The following CLIC6 variants were observed in gnomAD, a reference collection of about 807,000 sequenced individuals.
CLIC6 encodes the protein CLIC family member 6.
Under a neutral mutation model 49.2 loss-of-function variants are expected in CLIC6, and 39 were observed. That is an observed-to-expected ratio of 0.79 (90% CI 0.61 to 1.04). CLIC6 has a LOEUF of 1.04. Ranked by LOEUF, CLIC6 falls within the 50% of genes least tolerant of loss-of-function variation. The pLI is 0.00. For synonymous variants in CLIC6, 446 were observed against 433.4 expected (o/e 1.03, Z -0.36); for missense variants, 988 against 993.1 (o/e 0.99, Z 0.07).
At chr21:34,677,760 G>T (rs1235552599) in intron 1 of CLIC6, among the ~76,000 whole-genome samples, 1 of 152,200 alleles carries the variant, frequency 6.6e-6, no homozygotes, top group East Asian at 1.9e-4. Flanking sequence ...GCTAGAACTG[G>T]ATTCTGTGCC....
intron 1 of CLIC6, among the ~76,000 whole-genome samples, chr21:34,685,023 G>T (rs1032124597): frequency 6.6e-6 from 1 of 152,168 alleles, no homozygotes; most frequent in African/African-American, 2.4e-5. Flanking sequence ...CAGCTAGGGA[G>T]ACTCTCCACT....
At chr21:34,695,655 T>C (rs946084393) in intron 1 of CLIC6, among the ~76,000 whole-genome samples, 2 of 152,248 alleles carry the variant, frequency 1.3e-5, no homozygotes, top group African/African-American at 4.8e-5. Context: ...AACCAGTGTC[T>C]TCTCAGACTC....
At chr21:34,699,688 G>A (rs769240611) in intron 1 of CLIC6, among the ~76,000 whole-genome samples, 49 of 152,230 alleles carry the variant, frequency 3.2e-4, no homozygotes, top group African/African-American at 1.0e-3. Flanking sequence ...AAGCAGCATC[G>A]TTCGTAATAC....
rs1328730843 is a variant in CLIC6, at chr21:34,670,310, G to C, written c.922G>C (p.Ala308Pro). 3.5e-6 allele frequency: 5 copies of C among 1,445,914 alleles called. No homozygotes were observed. The highest frequency in any genetic ancestry group is 4.5e-6 in the Non-Finnish European group (5 of 1,102,388). The allele number at this position is 1,445,914 out of a possible 1,614,324, so 89.6% of individuals were successfully genotyped here. ...GGGGGACGGCAGCCTCTCGCCCCAGGCCGAGGCAATTGAGGTCGCAGCCGG... is the reference window on the plus strand; with the variant it reads ...GGGGGACGGCAGCCTCTCGCCCCAGCCCGAGGCAATTGAGGTCGCAGCCGG... The part of the protein sequence containing the change: ...QSGDGSLSPQ[A>P]EAIEVAAGES... The change falls in exon 1 of 6, where the codon GCC becomes CCC. Residue 308 changes from alanine (A) to proline (P), a missense_variant. Physicochemically the swap from Ala to Pro is conservative, Grantham distance 27 (BLOSUM62 -1). Coordinates refer to ENST00000349499, the MANE Select transcript of CLIC6 (RefSeq NM_053277.3).
chr21:34,679,835 T>C (rs1989741601), intron 1 of CLIC6, among the ~76,000 whole-genome samples: 1 of 114 alleles, frequency 8.8e-3, no homozygotes, highest in Non-Finnish European at 0.016. Flanking sequence ...GGCCCCCATG[T>C]GGCCTTGGAC....
chr21:34,708,763 A>G lies in CLIC6; in HGVS notation c.1674A>G (p.Lys558=). 2 of 1,614,168 alleles carry G rather than the reference A, an allele frequency of 1.2e-6. No individual in the cohort carries two copies. The highest frequency in any genetic ancestry group is 1.7e-6 in the Non-Finnish European group (2 of 1,180,016). The change falls in exon 4 of 6, where the codon AAA becomes AAG. Residue 558 remains lysine (K), a synonymous_variant. Transcript: ENST00000349499. ...SNSAGNDVFA[K]FSAFIKNTKK... ...CCGCAGGAAATGACGTGTTTGCCAA[A>G]TTCTCAGCGTTTATAAAAAACACGA...
intron 1 of CLIC6, among the ~76,000 whole-genome samples, chr21:34,696,838 G>A (rs1243656207): frequency 6.6e-6 from 1 of 152,206 alleles, no homozygotes; most frequent in African/African-American, 2.4e-5. Flanking sequence ...TTTGAGAAAT[G>A]CATGTAATTA....
chr21:34,670,093 G>C lies in CLIC6; in HGVS notation c.705G>C (p.Pro235=). 2.2e-6 allele frequency: 3 copies of C among 1,390,760 alleles called. No homozygotes were observed. In the South Asian group the frequency reaches 4.9e-5, roughly 23 times the overall value. The allele number at this position is 1,390,760 out of a possible 1,614,324, so 86.2% of individuals were successfully genotyped here. A position where few individuals can be genotyped will look rare whatever the true frequency, so the allele number is the denominator to read the frequency against. The change falls in exon 1 of 6, where the codon CCG becomes CCC. Residue 235 remains proline, a synonymous_variant. Transcript: ENST00000349499. Reference sequence around the variant, plus strand: ...GGGACAGCGTAGACGCGGAAGGTCCGGCGGGGGACAGCGTAGACGCGGAGG... The same window carrying C: ...GGGACAGCGTAGACGCGGAAGGTCCCGCGGGGGACAGCGTAGACGCGGAGG... ...RVGDSVDAEG[P]AGDSVDAEGR... is the part of the protein sequence containing the mutation.
chr21:34,672,409 G>A (rs745342186), intron 1 of CLIC6, among the ~76,000 whole-genome samples: 29 of 152,296 alleles, frequency 1.9e-4, no homozygotes, highest in South Asian at 6.2e-4. Context: ...AGGGAGCCAC[G>A]TTCTTTCCTG....
chr21:34,675,647 T>TACAA (rs1305790900), intron 1 of CLIC6, among the ~76,000 whole-genome samples: 2 of 152,158 alleles, frequency 1.3e-5, no homozygotes, highest in Admixed American at 1.3e-4. Flanking sequence ...ACCTCTTGCA[T>TACAA]ACAAACAGGT....
chr21:34,703,249 TC>T (rs1568968045), intron 1 of CLIC6, among the ~76,000 whole-genome samples: 2 of 152,208 alleles, frequency 1.3e-5, no homozygotes, highest in Non-Finnish European at 2.9e-5. Flanking sequence ...AAATTGTTTT[TC>T]ATTATATTTG....
chr21:34,715,380 G>C (rs1044214999), intron 5 of CLIC6, among the ~76,000 whole-genome samples: 1 of 152,160 alleles, frequency 6.6e-6, no homozygotes, highest in Non-Finnish European at 1.5e-5. Context: ...GCAAACTGGG[G>C]AAATTTGGAA....
chr21:34,695,855 G>A (rs1990078926), intron 1 of CLIC6, among the ~76,000 whole-genome samples: 1 of 152,202 alleles, frequency 6.6e-6, no homozygotes, highest in Non-Finnish European at 1.5e-5. Flanking sequence ...GCTACTTGGG[G>A]CCATGATGGC....
chr21:34,669,487 C>T lies in CLIC6; in HGVS notation c.99C>T (p.Ala33=). ...PLAERPGEPG[A]AGGEAEGPEG... is the part of the protein sequence containing the mutation. ...CTGAGAGACCCGGAGAGCCAGGAGCCGCGGGCGGGGAGGCAGAAGGGCCGG... is the reference window on the plus strand; with the variant it reads ...CTGAGAGACCCGGAGAGCCAGGAGCTGCGGGCGGGGAGGCAGAAGGGCCGG... Residue 33 remains alanine (A), a synonymous_variant, in exon 1 of 6, where the codon GCC becomes GCT. Transcript: ENST00000349499. 3 of 1,235,086 alleles carry T rather than the reference C, an allele frequency of 2.4e-6. No homozygotes were observed. The highest frequency in any genetic ancestry group is 2.0e-6 in the Non-Finnish European group (2 of 990,218). The allele number at this position is 1,235,086 out of a possible 1,614,324, so 76.5% of individuals were successfully genotyped here. A position where few individuals can be genotyped will look rare whatever the true frequency, so the allele number is the denominator to read the frequency against.
intron 5 of CLIC6, among the ~76,000 whole-genome samples, chr21:34,715,722 G>A (rs368264829): frequency 6.6e-6 from 1 of 152,164 alleles, no homozygotes; most frequent in African/African-American, 2.4e-5. Flanking sequence ...GCTGTCTCTC[G>A]ACTGCTTCTT....
chr21:34,669,643 C>T lies in CLIC6; in HGVS notation c.255C>T (p.Ala85=). 7.6e-7 allele frequency: 1 copy of T among 1,311,336 alleles called. No homozygotes were observed. Among genetic ancestry groups the T allele is most frequent in the South Asian group, 2.2e-5 (1 of 45,896 alleles). The allele number at this position is 1,311,336 out of a possible 1,614,324, so 81.2% of individuals were successfully genotyped here. Residue 85 remains alanine, a synonymous_variant, in exon 1 of 6, where the codon GCC becomes GCT. Transcript: ENST00000349499. The stretch of plus-strand genomic sequence containing the variant: ...GGGGGGCGCACGGCGAGACTGAGGC[C>T]GAGGAGGGAGCCCCGGAGGGTGCCG... The part of the protein sequence containing the change: ...GTRGAHGETE[A]EEGAPEGAEV...
At chr21:34,697,738 G>A (rs7280196) in intron 1 of CLIC6, among the ~76,000 whole-genome samples, 25,866 of 152,102 alleles carry the variant, frequency 0.17, 2,396 homozygotes, top group African/African-American at 0.25. Flanking sequence ...GTCACGCAGT[G>A]ATTGTCATTT....
At chr21:34,683,281 C>T (rs1057511464) in intron 1 of CLIC6, among the ~76,000 whole-genome samples, 6 of 152,148 alleles carry the variant, frequency 3.9e-5, no homozygotes, top group African/African-American at 7.2e-5. Context: ...TAAGATATAT[C>T]GCTTTGATCT....
rs140448325 is a variant in CLIC6, at chr21:34,689,714, C to T, written c.1375-17566C>T. Among the ~76,000 whole-genome samples, 633 of 152,130 alleles carry T rather than the reference C, an allele frequency of 4.2e-3. 7 individuals carry two copies. Among genetic ancestry groups the T allele is most frequent in the African/African-American group, 0.014 (597 of 41,492 alleles). On this transcript the variant is annotated intron_variant, in intron 1 of 5. Coordinates refer to ENST00000349499, the MANE Select transcript of CLIC6 (RefSeq NM_053277.3). ...AGTGCAGGCTGGAATACAAATGCGC[C>T]CTGAGACGCTGTGCAATGTCAGGCT... is the stretch of plus-strand genomic sequence containing the variant.
Sources: gnomAD v4.1 joint callset for allele counts (sites outside exome capture counted in the v4.1 genomes callset) on GRCh38, gnomAD v4.1.1 for gene constraint, MANE v1.5 for transcripts, NCBI Gene and HGNC (gene_info 2026-07-23, HGNC 2026-07-21) for gene names.